Variants in MCM10 observed in about 807,000 individuals in gnomAD.
MCM10 encodes the protein minichromosome maintenance 10 replication initiation factor.
A neutral mutation model predicts 109.9 loss-of-function variants in MCM10; 91 were observed. The observed-to-expected ratio is 0.83, with a 90% confidence interval of 0.70 to 0.99. The LOEUF is 0.99. MCM10 is among the 50% of genes least tolerant of loss of function. MCM10 has a pLI of 0.00. For missense variants in MCM10, 1,077 were observed against 1,061.2 expected, an observed-to-expected ratio of 1.01 and a Z score of -0.21; for synonymous variants, 380 against 387.2, an observed-to-expected ratio of 0.98 and a Z score of 0.22.
intron 14 of MCM10, among the ~76,000 whole-genome samples, chr10:13,195,759 T>C (rs1001472283): frequency 7.3e-5 from 11 of 151,526 alleles, no homozygotes; most frequent in African/African-American, 1.5e-4. Context: ...TACAGGCGCC[T>C]ACCACCACGC....
At chr10:13,169,929 C>T (rs1462354795) in intron 2 of MCM10, among the ~76,000 whole-genome samples, 1 of 152,226 alleles carries the variant, frequency 6.6e-6, no homozygotes, top group African/African-American at 2.4e-5. Flanking sequence ...TGGTCTTGAG[C>T]TCCTGATGTC....
At chr10:13,171,904 A>T (rs1834079101) in intron 3 of MCM10, among the ~76,000 whole-genome samples, 1 of 151,950 alleles carries the variant, frequency 6.6e-6, no homozygotes. Context: ...AGCTGGAACC[A>T]TAGGCATGCA....
chr10:13,180,375 C>T, intron 6 of MCM10, 67 bp from the exon 7 acceptor site: 4 of 1,431,832 alleles, frequency 2.8e-6, no homozygotes, highest in Non-Finnish European at 3.8e-6. Flanking sequence ...TCCCTTACCA[C>T]CTGCTAAGGT....
In MCM10 at chr10:13,175,614, AC is replaced by A; in HGVS notation, c.701del (p.Pro234GlnfsTer31). On this transcript the variant is annotated frameshift_variant, in exon 6 of 20. Transcript: ENST00000378714. LOFTEE classifies it high-confidence loss of function. ...SGITRGQIVG[T>X]PGSSGETTQP... ...GATAACTAGAGGTCAAATTGTGGGG[AC>A]CCCAGGAAGTTCTGGGGAAACGACT... is the stretch of plus-strand genomic sequence containing the variant. 1 of 1,613,146 alleles carries A rather than the reference AC, an allele frequency of 6.2e-7. No homozygotes were observed. The highest frequency in any genetic ancestry group is 8.5e-7 in the Non-Finnish European group (1 of 1,179,212).
intron 13 of MCM10, among the ~76,000 whole-genome samples, chr10:13,193,737 A>G (rs1016726685): frequency 5.9e-5 from 9 of 152,168 alleles, no homozygotes; most frequent in Non-Finnish European, 1.2e-4. Flanking sequence ...GACATAAATT[A>G]TATACGTGGA....
chr10:13,199,957 G>A (rs4565799), intron 16 of MCM10, among the ~76,000 whole-genome samples: 126,716 of 152,048 alleles, frequency 0.83, 53,067 homozygotes, highest in South Asian at 0.89. Flanking sequence ...AGTAGCTAGG[G>A]CTAGATAATG....
intron 2 of MCM10, among the ~76,000 whole-genome samples, chr10:13,166,498 G>A (rs188615569): frequency 1.3e-4 from 19 of 151,918 alleles, no homozygotes; most frequent in African/African-American, 4.3e-4. Context: ...AGCTGGGCGT[G>A]GTGGCACATG....
Position 13,209,134 on chromosome 10 carries a change from G to A in MCM10, c.2541+1G>A. 6.2e-7 allele frequency: 1 copy of A among 1,612,200 alleles called. No homozygotes were observed. The highest frequency in any genetic ancestry group is 8.5e-7 in the Non-Finnish European group (1 of 1,178,258). ...ATGGGAACGGGACGGAATGCTAAAGGTATGCCATTTGCGTACTAATTTTTG... is the reference window on the plus strand; with the variant it reads ...ATGGGAACGGGACGGAATGCTAAAGATATGCCATTTGCGTACTAATTTTTG... On this transcript the variant is annotated splice_donor_variant, in intron 19 of 19. Coordinates refer to ENST00000378714, the MANE Select transcript of MCM10 (RefSeq NM_018518.5). LOFTEE classifies it high-confidence loss of function.
At chr10:13,208,653 AAAG>A (rs1430149634) in intron 18 of MCM10, among the ~76,000 whole-genome samples, 3 of 152,126 alleles carry the variant, frequency 2.0e-5, no homozygotes, top group Non-Finnish European at 4.4e-5. Flanking sequence ...TCCAGACTAG[AAAG>A]AAGATTATTC....
In MCM10 at chr10:13,188,890, G is replaced by A. The variant is rs776288502; in HGVS notation, c.1225G>A (p.Glu409Lys). ...GCTCTGCCTTTTGCAGCGTGACTGT[G>A]AGTACTGTCAGTACCATGTCCAGGC... ...CTQTVNLRDCEYCQYHVQAQY... is the reference protein window; with the variant it reads ...CTQTVNLRDCKYCQYHVQAQY... Residue 409 changes from glutamate (E) to lysine (K), a missense_variant, in exon 10 of 20, where the codon GAG (glutamate) becomes AAG (lysine). Coordinates refer to ENST00000378714, the MANE Select transcript of MCM10 (RefSeq NM_018518.5). 6.2e-7 allele frequency: 1 copy of A among 1,614,052 alleles called. No individual in the cohort carries two copies. Among genetic ancestry groups the A allele is most frequent in the Non-Finnish European group, 8.5e-7 (1 of 1,179,940 alleles).
intron 7 of MCM10, 62 bp downstream of exon 7, chr10:13,180,669 C>T: frequency 6.3e-7 from 1 of 1,575,566 alleles, no homozygotes; most frequent in Non-Finnish European, 8.7e-7. Flanking sequence ...AATTCGATGT[C>T]CTGAATTTGT....
chr10:13,198,997 G>A (rs1441699583), intron 16 of MCM10, among the ~76,000 whole-genome samples, 190 bp downstream of exon 16: 3 of 152,202 alleles, frequency 2.0e-5, no homozygotes, highest in African/African-American at 7.2e-5. Context: ...CCAGGTTCAA[G>A]CGATTCTCCT....
intron 18 of MCM10, among the ~76,000 whole-genome samples, chr10:13,207,089 G>T (rs933946977): frequency 6.6e-6 from 1 of 152,158 alleles, no homozygotes; most frequent in Non-Finnish European, 1.5e-5. Context: ...GCAGGCCTGA[G>T]CCACCATGCT....
At position 13,195,040 on chromosome 10, in the gene MCM10, G is replaced by C; in HGVS notation, c.1746-1G>C. On this transcript the variant is annotated splice_acceptor_variant, in intron 13 of 19. Transcript: ENST00000378714. LOFTEE classifies it high-confidence loss of function. ...GTATTTTGACTGTATGTTCTTTAAAGATTTCTGCAGAGCTCAAGTGAAGTT... is the reference window on the plus strand; with the variant it reads ...GTATTTTGACTGTATGTTCTTTAAACATTTCTGCAGAGCTCAAGTGAAGTT... 2 of 1,611,758 alleles carry C rather than the reference G, an allele frequency of 1.2e-6. No homozygotes were observed. Among genetic ancestry groups the C allele is most frequent in the Non-Finnish European group, 8.5e-7 (1 of 1,178,644 alleles).
rs1834218970 is a variant in MCM10, at chr10:13,182,300, C to T, written c.931-633C>T. On this transcript the variant is annotated intron_variant, in intron 7 of 19. Transcript: ENST00000378714. The surrounding 1 kb of genome is among the most constrained non-coding windows in gnomAD (Gnocchi z 4.2). Reference sequence around the variant, plus strand: ...ACCAGTCTGGGCAACATAGTGAGACCTCATCTCTATGAAAAGAAAAAAAAA... The same window carrying T: ...ACCAGTCTGGGCAACATAGTGAGACTTCATCTCTATGAAAAGAAAAAAAAA... Among the ~76,000 whole-genome samples, 1 of 151,548 alleles carries T rather than the reference C, an allele frequency of 6.6e-6. No individual in the cohort carries two copies. Among genetic ancestry groups the T allele is most frequent in the Admixed American group, 6.6e-5 (1 of 15,208 alleles).
In MCM10 at chr10:13,189,073, G is replaced by C; in HGVS notation, c.1408G>C (p.Ala470Pro). Residue 470 changes from alanine to proline, a missense_variant, in exon 10 of 20, where the codon GCT (alanine) becomes CCT (proline). Transcript: ENST00000378714. ...AGGGGTTTCTTCTGCCTCGTATGCA[G>C]CTTCAATGTAAGACGTTCTCGGGCT... ...YGGVSSASYAASIAAAVAPKK... is the reference protein window; with the variant it reads ...YGGVSSASYAPSIAAAVAPKK... 6.2e-7 allele frequency: 1 copy of C among 1,614,214 alleles called. No individual in the cohort carries two copies. Among genetic ancestry groups the C allele is most frequent in the Non-Finnish European group, 8.5e-7 (1 of 1,180,038 alleles).
chr10:13,205,773 A>T (rs1834572129), intron 18 of MCM10, among the ~76,000 whole-genome samples: 1 of 152,162 alleles, frequency 6.6e-6, no homozygotes, highest in Non-Finnish European at 1.5e-5. Flanking sequence ...CTTTGGACCC[A>T]CGGATGGGAT....
intron 17 of MCM10, 95 bp from the exon 18 acceptor site, chr10:13,204,124 C>G: frequency 1.4e-6 from 2 of 1,455,112 alleles, no homozygotes; most frequent in Non-Finnish European, 1.9e-6. Flanking sequence ...GATGAGAGAC[C>G]AGGTGGTCAT....
chr10:13,170,698 G>T (rs539663651), intron 2 of MCM10, among the ~76,000 whole-genome samples: 6 of 152,074 alleles, frequency 3.9e-5, no homozygotes, highest in East Asian at 3.9e-4. Context: ...TTGTTTGTTT[G>T]TTTTTTTAGT....
Sources: allele counts gnomAD v4.1 joint callset (sites outside exome capture counted in the v4.1 genomes callset), GRCh38; gene constraint gnomAD v4.1.1; non-coding constraint Gnocchi (gnomAD v3.1); transcripts MANE v1.5; gene names NCBI Gene and HGNC (gene_info 2026-07-23, HGNC 2026-07-21).